ANXA2: variants seen among roughly 807,000 people sequenced by gnomAD.
ANXA2 encodes the protein annexin A2, also known as annexin II.
A neutral mutation model predicts 47.3 loss-of-function variants in ANXA2; 28 were observed. The ratio of observed to expected loss-of-function variants is 0.59; its 90% confidence interval spans 0.44 to 0.81. The LOEUF (loss-of-function observed/expected upper bound fraction) is 0.81, where lower values mean the gene tolerates loss of function less well. ANXA2 is among the 40% of genes least tolerant of loss of function. ANXA2 has a pLI of 0.00. For missense variants in ANXA2, 384 were observed against 414.3 expected, an observed-to-expected ratio of 0.93 and a Z score of 0.64; for synonymous variants, 172 against 155.5, an observed-to-expected ratio of 1.11 and a Z score of -0.79.
chr15:60,385,823 G>T (rs762821791), intron 2 of ANXA2: 2 of 507,024 alleles, frequency 3.9e-6, no homozygotes, highest in Non-Finnish European at 3.6e-6. Flanking sequence ...TTTAATGTGA[G>T]GCCAAGAAAA....
intron 7 of ANXA2, among the ~76,000 whole-genome samples, chr15:60,354,537 G>C (rs1442235345): frequency 1.3e-5 from 2 of 149,678 alleles, no homozygotes; most frequent in Admixed American, 6.7e-5. Flanking sequence ...GGCTGAGGCA[G>C]GAGAATCGCT....
chr15:60,383,097 A>T (rs2062885153), intron 2 of ANXA2: 1 of 152,456 alleles, frequency 6.6e-6, no homozygotes. Flanking sequence ...CTTCTAAACC[A>T]TACCCTCTTC....
chr15:60,397,958 A>C lies in ANXA2; in HGVS notation c.-27T>G. 1 of 1,271,012 alleles carries C rather than the reference A, an allele frequency of 7.9e-7. No individual in the cohort carries two copies. The highest frequency in any genetic ancestry group is 2.2e-4 in the Middle Eastern group (1 of 4,568). 78.7% of individuals were successfully genotyped at this position (1,271,012 alleles called of 1,614,324 possible). A position where few individuals can be genotyped will look rare whatever the true frequency, so the allele number is the denominator to read the frequency against. ...CCCCGCTTACCTGGGCCGTGCGCCG[A>C]GAGCTGAGAGCGTCCCCAAATGCTG... On this transcript the variant is annotated 5_prime_UTR_variant, in exon 1 of 13. Transcript: ENST00000451270.
chr15:60,385,984 G>A lies in ANXA2; in HGVS notation c.48+44C>T, dbSNP rs1372987880. On this transcript the variant is annotated intron_variant, in intron 2 of 12. Coordinates refer to ENST00000451270, the MANE Select transcript of ANXA2 (RefSeq NM_004039.3). ...GAGTAATATGGTTATCCAGAGAGATGTCCAACTTGCAAAAATTATATAAAG... is the reference window on the plus strand; with the variant it reads ...GAGTAATATGGTTATCCAGAGAGATATCCAACTTGCAAAAATTATATAAAG... 5 of 1,371,272 alleles carry A rather than the reference G, an allele frequency of 3.6e-6. No individual in the cohort carries two copies. The Admixed American group carries it at 9.1e-5, about 25-fold the overall frequency. 84.9% of individuals were successfully genotyped at this position (1,371,272 alleles called of 1,614,324 possible).
At chr15:60,356,972 G>C (rs1325743632) in intron 6 of ANXA2, among the ~76,000 whole-genome samples, 174 bp downstream of exon 6, 1 of 152,190 alleles carries the variant, frequency 6.6e-6, no homozygotes, top group Non-Finnish European at 1.5e-5. Context: ...AGGCAATGAG[G>C]AGGTGAAGGA....
At chr15:60,354,919 C>T (rs952358385) in intron 7 of ANXA2, among the ~76,000 whole-genome samples, 18 of 152,106 alleles carry the variant, frequency 1.2e-4, no homozygotes, top group Non-Finnish European at 1.8e-4. Context: ...AAAATGCGGG[C>T]GGAGGAAGAA....
At chr15:60,381,355 G>C (rs2062855160) in intron 3 of ANXA2, among the ~76,000 whole-genome samples, 1 of 152,208 alleles carries the variant, frequency 6.6e-6, no homozygotes, top group African/African-American at 2.4e-5. Context: ...CATGGTGAAA[G>C]GAAGTGCTTT....
chr15:60,356,138 C>A lies in ANXA2; in HGVS notation c.449-140G>T, dbSNP rs116821163. Reference sequence around the variant, plus strand: ...CATATCCATTCTCCTTAACCCCAAACAGAGGAAGGATTCACTAGAATGATT... The same window carrying A: ...CATATCCATTCTCCTTAACCCCAAAAAGAGGAAGGATTCACTAGAATGATT... On this transcript the variant is annotated intron_variant, in intron 6 of 12. Transcript: ENST00000451270. The A allele has an allele frequency of 1.5e-3, 975 of 639,964 alleles. 3 individuals carry two copies. In the African/African-American group the frequency reaches 0.016, roughly 10 times the overall value. The allele number at this position is 639,964 out of a possible 1,614,324, so 39.6% of individuals were successfully genotyped here.
intron 8 of ANXA2, among the ~76,000 whole-genome samples, chr15:60,353,915 C>G (rs779948202): frequency 6.6e-6 from 1 of 152,182 alleles, no homozygotes; most frequent in Non-Finnish European, 1.5e-5. Flanking sequence ...CAGTCAAGCC[C>G]TCAGGTGACT....
chr15:60,374,118 T>G (rs936724716), intron 3 of ANXA2, among the ~76,000 whole-genome samples: 4 of 152,186 alleles, frequency 2.6e-5, no homozygotes, highest in African/African-American at 9.7e-5. Context: ...AAAATCAGAT[T>G]TCTTCTATTT....
At chr15:60,368,760 GT>G (rs796516188) in intron 3 of ANXA2, among the ~76,000 whole-genome samples, 1 of 151,982 alleles carries the variant, frequency 6.6e-6, no homozygotes, top group African/African-American at 2.4e-5. Context: ...CCATAAATGG[GT>G]TTTTTTTAAT....
intron 5 of ANXA2, among the ~76,000 whole-genome samples, chr15:60,358,344 T>C (rs1213655141): frequency 6.6e-6 from 1 of 152,180 alleles, no homozygotes; most frequent in African/African-American, 2.4e-5. Context: ...GGCTTCATGA[T>C]CAAAGTCAAG....
rs184426418 is a variant in ANXA2 at position 60,354,809 on chromosome 15, G to A, written c.529-596C>T. On this transcript the variant is annotated intron_variant, in intron 7 of 12. Transcript: ENST00000451270. Reference sequence around the variant, plus strand: ...TCCCCATCCCCCACAAAAAGCTGATGAGATTTAGCTCTTTCTCACAGAGAG... The same window carrying A: ...TCCCCATCCCCCACAAAAAGCTGATAAGATTTAGCTCTTTCTCACAGAGAG... 2.0e-3 allele frequency among the ~76,000 whole-genome samples: 310 copies of A among 152,160 alleles called. 1 individual carries two copies. The highest frequency in any genetic ancestry group is 7.2e-3 in the African/African-American group (298 of 41,480).
intron 1 of ANXA2, among the ~76,000 whole-genome samples, chr15:60,395,313 T>C (rs551900438): frequency 9.8e-5 from 15 of 152,336 alleles, no homozygotes; most frequent in African/African-American, 3.6e-4. Context: ...GTATCCCTAG[T>C]GCTCATAACT....
At chr15:60,361,983 C>CT (rs1014418270) in intron 4 of ANXA2, among the ~76,000 whole-genome samples, 1 of 152,008 alleles carries the variant, frequency 6.6e-6, no homozygotes, top group Non-Finnish European at 1.5e-5. Context: ...AGCTTAGCCC[C>CT]TACAGGTACT....
rs373561385 is a variant in ANXA2, at chr15:60,393,864, T to C, written c.-12+4079A>G. Among the ~76,000 whole-genome samples the C allele has an allele frequency of 2.0e-5, 3 of 152,212 alleles. No homozygotes were observed. The East Asian group carries it at 5.8e-4, about 29-fold the overall frequency. On this transcript the variant is annotated intron_variant, in intron 1 of 12. Transcript: ENST00000451270. ...TGCCTGGCACACGATAGGCATTCAA[T>C]TTCATCTTGGGATGGTTTACACACA...
chr15:60,353,254 T>C (rs2062376322), intron 8 of ANXA2, among the ~76,000 whole-genome samples: 1 of 152,188 alleles, frequency 6.6e-6, no homozygotes, highest in East Asian at 1.9e-4. Flanking sequence ...CTGAATAAGC[T>C]TAACAAATAG....
Position 60,357,333 on chromosome 15 carries a change from G to C in ANXA2, c.358-97C>G, listed in dbSNP as rs2062446801. ...TCAAGTAAATTGCAAACATGGATTG[G>C]GTCTGTTAGCATCCTGCTTTCTACA... On this transcript the variant is annotated intron_variant, in intron 5 of 12. Transcript: ENST00000451270. 5 of 959,442 alleles carry C rather than the reference G, an allele frequency of 5.2e-6. No individual in the cohort carries two copies. The South Asian group carries it at 5.6e-5, about 11-fold the overall frequency. The allele number at this position is 959,442 out of a possible 1,614,324, so 59.4% of individuals were successfully genotyped here.
intron 3 of ANXA2, among the ~76,000 whole-genome samples, chr15:60,380,064 T>C (rs2062834557): frequency 6.6e-6 from 1 of 152,178 alleles, no homozygotes; most frequent in Non-Finnish European, 1.5e-5. Context: ...GGAAACCACA[T>C]GAATCTAGGC....
Sources: allele counts gnomAD v4.1 joint callset (sites outside exome capture counted in the v4.1 genomes callset), GRCh38; gene constraint gnomAD v4.1.1; transcripts MANE v1.5; gene names NCBI Gene and HGNC (gene_info 2026-07-23, HGNC 2026-07-21).